Variants in SCP2 observed in about 807,000 individuals in gnomAD.
SCP2 encodes sterol carrier protein 2.
Under a neutral mutation model 71.4 loss-of-function variants are expected in SCP2, and 48 were observed. The observed-to-expected ratio is 0.67, with a 90% CI of 0.53 to 0.86. SCP2 has a LOEUF of 0.86. Ranked by LOEUF, SCP2 falls within the 40% of genes least tolerant of loss-of-function variation. The pLI is 0.00. For missense variants in SCP2, 560 were observed against 655.6 expected (o/e 0.85, Z 1.59); for synonymous variants, 220 against 218.1 (o/e 1.01, Z -0.08).
chr1:53,037,865 A>C (rs1663069549), intron 13 of SCP2, among the ~76,000 whole-genome samples: 1 of 144,672 alleles, frequency 6.9e-6, no homozygotes, highest in South Asian at 2.3e-4. Context: ...ACATAGGGAG[A>C]TCCTGTCTCT....
At chr1:52,943,879 C>T in intron 2 of SCP2, 1 of 450,874 alleles carries the variant, frequency 2.2e-6, no homozygotes, top group East Asian at 6.3e-5. Flanking sequence ...CCAGTTGCTT[C>T]CTGGATGCTT....
chr1:52,983,302 T>G (rs1658694239), intron 10 of SCP2, among the ~76,000 whole-genome samples: 2 of 152,200 alleles, frequency 1.3e-5, no homozygotes, highest in African/African-American at 4.8e-5. Flanking sequence ...ATGGTTTTCT[T>G]TTAATTTATT....
At chr1:53,038,854 T>G in intron 13 of SCP2, 63 bp from the exon 14 acceptor site, 1 of 1,599,562 alleles carries the variant, frequency 6.3e-7, no homozygotes, top group Admixed American at 1.7e-5. Flanking sequence ...AAACATGAAT[T>G]TGCTTGAGGA....
chr1:53,010,430 A>G (rs1660911125), intron 11 of SCP2, among the ~76,000 whole-genome samples: 2 of 152,222 alleles, frequency 1.3e-5, no homozygotes, highest in African/African-American at 4.8e-5. Context: ...CATATACACC[A>G]CGGAATACTA....
chr1:53,001,661 G>T (rs80233556), intron 11 of SCP2, among the ~76,000 whole-genome samples: 1 of 152,194 alleles, frequency 6.6e-6, no homozygotes, highest in Admixed American at 6.5e-5. Context: ...TAGCGTCCAG[G>T]GTCTTAACCA....
intron 14 of SCP2, among the ~76,000 whole-genome samples, chr1:53,041,870 CT>C (rs1414641882): frequency 6.6e-6 from 1 of 152,150 alleles, no homozygotes; most frequent in African/African-American, 2.4e-5. Flanking sequence ...TGGATGGAAA[CT>C]TCTTTCTCTG....
chr1:52,951,371 C>T (rs946304547), intron 4 of SCP2, among the ~76,000 whole-genome samples: 1 of 151,794 alleles, frequency 6.6e-6, no homozygotes, highest in African/African-American at 2.4e-5. Flanking sequence ...GGGACCAAGG[C>T]AAGAGCATCA....
chr1:53,006,190 G>A (rs1660628042), intron 11 of SCP2, among the ~76,000 whole-genome samples: 1 of 152,114 alleles, frequency 6.6e-6, no homozygotes, highest in Non-Finnish European at 1.5e-5. Context: ...ATGGAACCAA[G>A]TTGGAAAACA....
chr1:53,013,274 C>T (rs989114631), intron 11 of SCP2, among the ~76,000 whole-genome samples: 5 of 151,414 alleles, frequency 3.3e-5, no homozygotes, highest in African/African-American at 1.2e-4. Flanking sequence ...TGTCCCCATG[C>T]CTGGCTGATT....
chr1:53,033,462 G>C (rs1662693453), intron 13 of SCP2, among the ~76,000 whole-genome samples: 1 of 152,020 alleles, frequency 6.6e-6, no homozygotes, highest in Non-Finnish European at 1.5e-5. Context: ...AAAATTAGCT[G>C]TGTGTGGTAG....
chr1:52,962,429 C>T (rs1017693728), intron 6 of SCP2, among the ~76,000 whole-genome samples: 1 of 152,036 alleles, frequency 6.6e-6, no homozygotes, highest in Non-Finnish European at 1.5e-5. Context: ...AGAGTCAATT[C>T]TCTACTTTAT....
At chr1:52,997,941 C>T (rs1660047323) in intron 11 of SCP2, among the ~76,000 whole-genome samples, 1 of 152,196 alleles carries the variant, frequency 6.6e-6, no homozygotes, top group Admixed American at 6.6e-5. Context: ...TGTTTGACTT[C>T]TCTCGTGATA....
chr1:52,987,950 A>C (rs749278823), intron 10 of SCP2, 79 bp from the exon 11 acceptor site: 3 of 796,006 alleles, frequency 3.8e-6, no homozygotes, highest in Non-Finnish European at 6.6e-6. Context: ...ATTCTTGGCT[A>C]TATGGAAATC....
At chr1:52,948,918 ATC>A (rs1462733761) in intron 3 of SCP2, among the ~76,000 whole-genome samples, 2 of 150,938 alleles carry the variant, frequency 1.3e-5, no homozygotes, top group African/African-American at 2.4e-5. Context: ...TTTGACTAAC[ATC>A]TCTCTGTTTC....
At chr1:53,031,686 T>G (rs1309880927) in intron 13 of SCP2, among the ~76,000 whole-genome samples, 1 of 152,228 alleles carries the variant, frequency 6.6e-6, no homozygotes, top group Non-Finnish European at 1.5e-5. Context: ...CTTTAAACTC[T>G]TTCTCCTCAT....
At position 53,040,105 on chromosome 1, in the gene SCP2, C is replaced by G. The variant is rs144765430; in HGVS notation, c.1468+1059C>G. Among the ~76,000 whole-genome samples, 70 of 152,264 alleles carry G rather than the reference C, an allele frequency of 4.6e-4. No individual in the cohort carries two copies. In the East Asian group the frequency reaches 0.012, roughly 26 times the overall value. On this transcript the variant is annotated intron_variant, in intron 14 of 15. Transcript: ENST00000371514. Reference sequence around the variant, plus strand: ...TGTCCTCCTCTGTAACCACCACCACCCTGGTCTAAGCCAGCATCATTGTTT... The same window carrying G: ...TGTCCTCCTCTGTAACCACCACCACGCTGGTCTAAGCCAGCATCATTGTTT...
intron 10 of SCP2, among the ~76,000 whole-genome samples, chr1:52,986,011 CT>C (rs952812700): frequency 6.6e-6 from 1 of 151,842 alleles, no homozygotes; most frequent in African/African-American, 2.4e-5. Context: ...TTCCTCACCC[CT>C]CTCCCCACAT....
chr1:52,967,327 AT>A (rs78972221), intron 6 of SCP2, among the ~76,000 whole-genome samples: 131 of 142,578 alleles, frequency 9.2e-4, no homozygotes, highest in Admixed American at 9.7e-4. Flanking sequence ...TTGGTAATCT[AT>A]TTTTTTTTTT....
At chr1:53,045,840 C>T (rs535236627) in intron 14 of SCP2, among the ~76,000 whole-genome samples, 24 of 152,196 alleles carry the variant, frequency 1.6e-4, no homozygotes, top group African/African-American at 5.8e-4. Flanking sequence ...AGAAAGTGTC[C>T]TCATGTCCCT....
Sources: gnomAD v4.1 joint callset for allele counts (sites outside exome capture counted in the v4.1 genomes callset) on GRCh38, gnomAD v4.1.1 for gene constraint, MANE v1.5 for transcripts, NCBI Gene and HGNC (gene_info 2026-07-23, HGNC 2026-07-21) for gene names.